Variants in MTMR7 observed in about 807,000 individuals in gnomAD.
MTMR7 encodes the protein myotubularin related protein 7.
A neutral mutation model predicts 81.2 loss-of-function variants in MTMR7; 76 were observed. The observed-to-expected ratio is 0.94, with a 90% confidence interval of 0.78 to 1.13. The LOEUF is 1.13. Ranked by LOEUF, MTMR7 falls within the 50% of genes most tolerant of loss-of-function variation. MTMR7 has a pLI of 0.00. For missense variants in MTMR7, 1,044 were observed against 820.0 expected (o/e 1.27, Z -3.34); for synonymous variants, 372 against 289.8 (o/e 1.28, Z -2.88).
intron 1 of MTMR7, among the ~76,000 whole-genome samples, chr8:17,402,890 T>C (rs1299155890): frequency 1.3e-5 from 2 of 152,214 alleles, no homozygotes; most frequent in East Asian, 1.9e-4. Context: ...CCTTTTCTTC[T>C]TATCCTTGCC....
rs145461256 is a variant in MTMR7 at position 17,326,734 on chromosome 8, G to T, written c.865+4416C>A. ...AACAACCATAAGTGCTTGGAAGTAG[G>T]TTCTTCCCTGTTCAAACTTCCTGAT... is the stretch of plus-strand genomic sequence containing the variant. On this transcript the variant is annotated intron_variant, in intron 7 of 13. Transcript: ENST00000180173. 7.3e-3 allele frequency among the ~76,000 whole-genome samples: 1,114 copies of T among 152,298 alleles called. 13 individuals are homozygous for T. Among genetic ancestry groups the T allele is most frequent in the African/African-American group, 0.025 (1,041 of 41,568 alleles).
chr8:17,395,420 T>C (rs754482119), intron 1 of MTMR7, among the ~76,000 whole-genome samples: 6 of 152,184 alleles, frequency 3.9e-5, no homozygotes, highest in Non-Finnish European at 7.4e-5. Context: ...TTTTAATTCT[T>C]TGGGGTATAT....
At chr8:17,331,383 T>A in intron 6 of MTMR7, 101 bp from the exon 7 acceptor site, 1 of 1,279,220 alleles carries the variant, frequency 7.8e-7, no homozygotes. Context: ...GCATTCAGAA[T>A]GATGTACGGA....
intron 7 of MTMR7, among the ~76,000 whole-genome samples, chr8:17,329,036 C>T (rs909631219): frequency 3.0e-4 from 46 of 152,164 alleles, no homozygotes; most frequent in African/African-American, 1.1e-3. Context: ...GAAACCAGAA[C>T]GCAAACAATT....
At chr8:17,392,463 C>T (rs997612166) in intron 1 of MTMR7, among the ~76,000 whole-genome samples, 3 of 152,190 alleles carry the variant, frequency 2.0e-5, no homozygotes, top group Admixed American at 1.3e-4. Context: ...GCTTTCATGG[C>T]AGCACAAATG....
At chr8:17,405,180 A>C (rs1204990140) in intron 1 of MTMR7, among the ~76,000 whole-genome samples, 1 of 152,206 alleles carries the variant, frequency 6.6e-6, no homozygotes, top group Non-Finnish European at 1.5e-5. Context: ...GTGACAATAT[A>C]GAGATAAATT....
chr8:17,353,268 G>A (rs994912661), intron 4 of MTMR7, among the ~76,000 whole-genome samples: 1 of 152,130 alleles, frequency 6.6e-6, no homozygotes, highest in Non-Finnish European at 1.5e-5. Context: ...GTAGAATGAT[G>A]GTTGCCAGGG....
In MTMR7 at chr8:17,375,280, T is replaced by C. The variant is rs892299458; in HGVS notation, c.25-2040A>G. 2.6e-5 allele frequency among the ~76,000 whole-genome samples: 4 copies of C among 152,076 alleles called. No individual in the cohort carries two copies. The East Asian group carries it at 5.8e-4, about 22-fold the overall frequency. ...AGCCCTTAGAGCCAAGCCAGCCCTC[T>C]AGGAGTAGCTCTAGAGGGTCCCATC... On this transcript the variant is annotated intron_variant, in intron 1 of 13. Transcript: ENST00000180173.
At chr8:17,364,523 G>A (rs570959551) in intron 3 of MTMR7, among the ~76,000 whole-genome samples, 6 of 152,116 alleles carry the variant, frequency 3.9e-5, no homozygotes, top group African/African-American at 1.2e-4. Context: ...TCAAAATAAT[G>A]AGACTTATTC....
Position 17,304,505 on chromosome 8 carries a change from G to A in MTMR7, c.1367C>T (p.Thr456Ile). The change falls in exon 12 of 14, where the codon ACA becomes ATA. Residue 456 changes from threonine to isoleucine, a missense_variant. Coordinates refer to ENST00000180173, the MANE Select transcript of MTMR7 (RefSeq NM_004686.5). ...CCACAGGTGAGCCCATAATGAGTAT[G>A]TTCTTTCTTGAATCCTGTTATAAAG... ...ERRELKIQER[T>I]YSLWAHLWKN... The A allele has an allele frequency of 1.2e-6, 2 of 1,613,322 alleles. No individual in the cohort carries two copies. The highest frequency in any genetic ancestry group is 1.7e-6 in the Non-Finnish European group (2 of 1,179,470).
intron 1 of MTMR7, among the ~76,000 whole-genome samples, chr8:17,395,231 G>A (rs531285187): frequency 6.6e-6 from 1 of 152,172 alleles, no homozygotes; most frequent in East Asian, 1.9e-4. Flanking sequence ...CACCCATATT[G>A]TAGCATGTAT....
At chr8:17,320,100 T>C (rs909701333) in intron 7 of MTMR7, among the ~76,000 whole-genome samples, 22 of 152,052 alleles carry the variant, frequency 1.4e-4, no homozygotes, top group Non-Finnish European at 2.1e-4. Flanking sequence ...TAGACGGGGT[T>C]AAATAAAATA....
intron 4 of MTMR7, among the ~76,000 whole-genome samples, chr8:17,357,727 G>A (rs1396586588): frequency 6.6e-6 from 1 of 152,128 alleles, no homozygotes; most frequent in Non-Finnish European, 1.5e-5. Flanking sequence ...GAATAGCAAT[G>A]CCAAACTGCA....
At chr8:17,399,881 A>G (rs1251178697) in intron 1 of MTMR7, among the ~76,000 whole-genome samples, 1 of 151,958 alleles carries the variant, frequency 6.6e-6, no homozygotes, top group Admixed American at 6.6e-5. Context: ...TCAAAAAAAA[A>G]AAAACCAAAA....
intron 4 of MTMR7, among the ~76,000 whole-genome samples, chr8:17,356,683 T>A (rs373617723): frequency 6.6e-6 from 1 of 151,478 alleles, no homozygotes; most frequent in East Asian, 1.9e-4. Flanking sequence ...CACTGTACTC[T>A]AGCTTGGGCA....
chr8:17,397,896 G>A (rs1821311415), intron 1 of MTMR7, among the ~76,000 whole-genome samples: 1 of 152,170 alleles, frequency 6.6e-6, no homozygotes, highest in Admixed American at 6.5e-5. Flanking sequence ...TTGTTTGGGA[G>A]AAAATAAAGG....
intron 8 of MTMR7, 185 bp from the exon 9 acceptor site, chr8:17,311,821 A>G (rs1156496829): frequency 1.2e-6 from 1 of 834,490 alleles, no homozygotes; most frequent in Non-Finnish European, 1.8e-6. Context: ...GCTGGCAGCT[A>G]AAGCTTTCCC....
chr8:17,361,355 C>G, intron 3 of MTMR7, 81 bp from the exon 4 acceptor site: 1 of 1,529,980 alleles, frequency 6.5e-7, no homozygotes. Flanking sequence ...TCTGTCCCAC[C>G]TGGAGTGCCC....
chr8:17,400,202 A>G (rs898489202), intron 1 of MTMR7, among the ~76,000 whole-genome samples: 1 of 152,194 alleles, frequency 6.6e-6, no homozygotes, highest in Non-Finnish European at 1.5e-5. Flanking sequence ...AGTACTGATA[A>G]AAGAAAATTC....
Sources: allele counts gnomAD v4.1 joint callset (sites outside exome capture counted in the v4.1 genomes callset), GRCh38; gene constraint gnomAD v4.1.1; transcripts MANE v1.5; gene names NCBI Gene and HGNC (gene_info 2026-07-23, HGNC 2026-07-21).